Variants in OTC observed in about 807,000 individuals in gnomAD.
OTC encodes ornithine transcarbamylase, also known as ornithine transcarbamylase, mitochondrial.
Under a neutral mutation model 30.3 loss-of-function variants are expected in OTC, and 3 were observed. The observed-to-expected ratio is 0.10, with a 90% CI of 0.05 to 0.26. OTC has a LOEUF of 0.26. Ranked by LOEUF, OTC falls within the 10% of genes least tolerant of loss-of-function variation. OTC has a pLI of 1.00. For missense variants in OTC, 194 were observed against 260.3 expected (o/e 0.75, Z 1.75); for synonymous variants, 111 against 99.7 (o/e 1.11, Z -0.67).
intron 4 of OTC, among the ~76,000 whole-genome samples, chrX:38,398,643 C>A (rs186958526): frequency 3.8e-4 from 42 of 110,793 alleles, no homozygotes; most frequent in Non-Finnish European, 7.6e-5. Flanking sequence ...TTTTAGACAT[C>A]ATAAAATTAA....
At chrX:38,347,499 G>A in the OTC span, among the ~76,000 whole-genome samples, 1 of 112,150 alleles carries the variant, frequency 8.9e-6, no homozygotes, top group African/African-American at 3.2e-5. Flanking sequence ...CTTAACTAGT[G>A]TGTACTGCAT....
the OTC span, among the ~76,000 whole-genome samples, chrX:38,330,921 A>G: frequency 8.9e-6 from 1 of 111,836 alleles, no homozygotes; most frequent in South Asian, 3.8e-4. Context: ...CATTTCCTGC[A>G]TTGCAAGCAC....
intron 9 of OTC, among the ~76,000 whole-genome samples, chrX:38,414,983 C>G (rs1332837797): frequency 9.0e-6 from 1 of 111,247 alleles, no homozygotes; most frequent in East Asian, 2.8e-4. Context: ...CTGTACAGTT[C>G]ATAGAAGCAT....
At chrX:38,345,450 C>T in the OTC span, among the ~76,000 whole-genome samples, 1 of 111,021 alleles carries the variant, frequency 9.0e-6, no homozygotes, top group Admixed American at 9.6e-5. Context: ...GCTGATCCAT[C>T]AAGTGCAGTA....
At chrX:38,416,446 ATAAATTTTACAC>A (rs1400374476) in intron 9 of OTC, among the ~76,000 whole-genome samples, 1 of 112,001 alleles carries the variant, frequency 8.9e-6, no homozygotes, top group East Asian at 2.8e-4. Flanking sequence ...CCCTCTGCCT[ATAAATTTTACAC>A]TGGAGCTAAA....
At chrX:38,418,532 T>C (rs969747237) in intron 9 of OTC, among the ~76,000 whole-genome samples, 1 of 112,266 alleles carries the variant, frequency 8.9e-6, no homozygotes, top group Non-Finnish European at 1.9e-5. Context: ...CAGGGTCATA[T>C]GTGAACAATT....
chrX:38,404,283 C>T (rs754302905), intron 6 of OTC, among the ~76,000 whole-genome samples: 3 of 112,184 alleles, frequency 2.7e-5, no homozygotes, highest in Admixed American at 9.4e-5. Context: ...TGCATACTTC[C>T]TACCTTGCTG....
intron 4 of OTC, among the ~76,000 whole-genome samples, chrX:38,399,250 T>C (rs191393853): frequency 9.0e-6 from 1 of 111,310 alleles, no homozygotes; most frequent in East Asian, 2.8e-4. Context: ...GGCCTGAAAT[T>C]CTGAAGATCT....
chrX:38,331,733 C>T, the OTC span, among the ~76,000 whole-genome samples: 1 of 107,230 alleles, frequency 9.3e-6, no homozygotes, highest in African/African-American at 3.6e-5. Context: ...CAGGTACACA[C>T]CACCACACCC....
chrX:38,374,701 A>G (rs1032365853), intron 3 of OTC, among the ~76,000 whole-genome samples: 6 of 111,710 alleles, frequency 5.4e-5, no homozygotes, highest in Non-Finnish European at 7.5e-5. Flanking sequence ...TCATCAAAGA[A>G]AGAGTGTGAC....
At position 38,411,852 on chromosome X, in the gene OTC, A is replaced by G; in HGVS notation, c.868-10A>G. ...ATAGTCAAAAAGTGGTCTTATCCCC[A>G]TCTCTTTAGACTGCTAAAGTTGCTG... On this transcript the variant is annotated splice_polypyrimidine_tract_variant and intron_variant, in intron 8 of 9. Transcript: ENST00000039007. 45 of 1,209,872 alleles carry G rather than the reference A, an allele frequency of 3.7e-5. No homozygotes were observed. Among genetic ancestry groups the G allele is most frequent in the Non-Finnish European group, 5.0e-5 (45 of 894,038 alleles).
chrX:38,381,391 T>A lies in OTC; in HGVS notation c.348T>A (p.Ile116=). The A allele has an allele frequency of 8.3e-7, 1 of 1,203,202 alleles. No individual in the cohort carries two copies. The highest frequency in any genetic ancestry group is 1.1e-6 in the Non-Finnish European group (1 of 887,559). Residue 116 remains isoleucine, a synonymous_variant, in exon 4 of 10, where the codon ATT becomes ATA. Transcript: ENST00000039007. The part of the protein sequence containing the change: ...GHPCFLTTQD[I]HLGVNESLTD... ...CTTGTTTTCTTACCACACAAGATAT[T>A]CATTTGGGTGTGAATGAAAGTCTCA...
chrX:38,401,713 G>A (rs2068489852), intron 5 of OTC, among the ~76,000 whole-genome samples: 1 of 111,435 alleles, frequency 9.0e-6, no homozygotes, highest in Non-Finnish European at 1.9e-5. Flanking sequence ...TTAACACAAT[G>A]AATGAATAGA....
At chrX:38,393,317 A>G (rs1602025761) in intron 4 of OTC, among the ~76,000 whole-genome samples, 1 of 112,790 alleles carries the variant, frequency 8.9e-6, no homozygotes, top group South Asian at 3.6e-4. Flanking sequence ...TACACGTAAA[A>G]TACCACGTTG....
At chrX:38,399,350 TAAG>T (rs1276025362) in intron 4 of OTC, among the ~76,000 whole-genome samples, 4 of 111,074 alleles carry the variant, frequency 3.6e-5, no homozygotes, top group African/African-American at 1.3e-4. Context: ...TACAATATAG[TAAG>T]AATATTTTTA....
At position 38,401,564 on chromosome X, in the gene OTC, G is replaced by A; in HGVS notation, c.540+136G>A. The A allele has an allele frequency of 1.1e-5, 6 of 536,651 alleles. 1 individual carries two copies. 44.2% of individuals were successfully genotyped at this position (536,651 alleles called of 1,213,427 possible). Reference sequence around the variant, plus strand: ...AGCTTGACAAAGAATTACAGCTTGTGTGTGCATTTTCTGGGGAAAACAGGA... The same window carrying A: ...AGCTTGACAAAGAATTACAGCTTGTATGTGCATTTTCTGGGGAAAACAGGA... On this transcript the variant is annotated intron_variant, in intron 5 of 9. Transcript: ENST00000039007.
At chrX:38,362,562 A>G (rs1602012881) in intron 1 of OTC, among the ~76,000 whole-genome samples, 1 of 112,652 alleles carries the variant, frequency 8.9e-6, no homozygotes, top group South Asian at 3.6e-4. Context: ...AGCTTCAAGC[A>G]GGATGTTTGT....
chrX:38,410,807 A>G (rs2068539127), intron 8 of OTC, among the ~76,000 whole-genome samples: 1 of 112,090 alleles, frequency 8.9e-6, no homozygotes, highest in South Asian at 3.6e-4. Flanking sequence ...GCATTTATAA[A>G]TGTTACTTTT....
chrX:38,393,039 A>G (rs1019717386), intron 4 of OTC, among the ~76,000 whole-genome samples: 9 of 112,262 alleles, frequency 8.0e-5, no homozygotes, highest in African/African-American at 2.9e-4. Context: ...TCAGGCCTCA[A>G]CCCAGACCTC....
Sources: allele counts gnomAD v4.1 joint callset (sites outside exome capture counted in the v4.1 genomes callset), GRCh38; gene constraint gnomAD v4.1.1; transcripts MANE v1.5; gene names NCBI Gene and HGNC (gene_info 2026-07-23, HGNC 2026-07-21).